The following PPP1R12A variants were observed in gnomAD, a reference collection of about 807,000 sequenced individuals.
The protein encoded by PPP1R12A is myosin binding subunit.
Under a neutral mutation model 139.6 loss-of-function variants are expected in PPP1R12A, and 19 were observed. That is an observed-to-expected ratio of 0.14 (90% confidence interval 0.09 to 0.20). The LOEUF (loss-of-function observed/expected upper bound fraction) is 0.20. PPP1R12A is among the 10% of genes least tolerant of loss of function. The pLI is 1.00. For missense variants in PPP1R12A, 925 were observed against 1,211.5 expected, an observed-to-expected ratio of 0.76 and a Z score of 3.51; for synonymous variants, 427 against 420.6, an observed-to-expected ratio of 1.02 and a Z score of -0.19.
At chr12:79,854,148 C>T (rs544030724) in intron 2 of PPP1R12A, among the ~76,000 whole-genome samples, 6 of 152,114 alleles carry the variant, frequency 3.9e-5, no homozygotes, top group East Asian at 1.9e-4. Flanking sequence ...CTATCAGTGA[C>T]GCAGAAGAAA....
intron 1 of PPP1R12A, among the ~76,000 whole-genome samples, chr12:79,914,383 C>T (rs1437020622): frequency 6.6e-6 from 1 of 151,854 alleles, no homozygotes; most frequent in Non-Finnish European, 1.5e-5. Context: ...ATATAATATA[C>T]TGATATTCAT....
chr12:79,903,769 T>C (rs1261480380), intron 1 of PPP1R12A, among the ~76,000 whole-genome samples: 1 of 151,984 alleles, frequency 6.6e-6, no homozygotes. Context: ...TTTGAGAAAA[T>C]AAAGGTAAAT....
intron 9 of PPP1R12A, among the ~76,000 whole-genome samples, chr12:79,814,677 G>T (rs1875085420): frequency 6.7e-6 from 1 of 150,082 alleles, no homozygotes; most frequent in Non-Finnish European, 1.5e-5. Flanking sequence ...TTAGCTGGGT[G>T]TGGTGGCAGG....
chr12:79,849,192 T>C (rs1203819191), intron 2 of PPP1R12A, among the ~76,000 whole-genome samples: 4 of 152,120 alleles, frequency 2.6e-5, no homozygotes, highest in African/African-American at 9.7e-5. Context: ...GAGACCAGCC[T>C]GGCCAACATA....
intron 22 of PPP1R12A, among the ~76,000 whole-genome samples, chr12:79,783,098 C>T (rs1332090349): frequency 1.3e-5 from 2 of 151,920 alleles, no homozygotes; most frequent in Admixed American, 1.3e-4. Flanking sequence ...AGCTTTTGTG[C>T]TTACTCTTTC....
At chr12:79,783,630 A>G (rs1870756981) in intron 22 of PPP1R12A, among the ~76,000 whole-genome samples, 1 of 152,206 alleles carries the variant, frequency 6.6e-6, no homozygotes, top group Admixed American at 6.5e-5. Flanking sequence ...TACAAGACCA[A>G]AAAAATTTTA....
upstream of PPP1R12A, chr12:79,935,239 T>A: frequency 1.6e-6 from 2 of 1,216,604 alleles, no homozygotes; most frequent in Non-Finnish European, 2.1e-6. Context: ...CCAGTGCGCA[T>A]GCGCCCTGGG....
At position 79,775,500 on chromosome 12, in the gene PPP1R12A, G is replaced by C. The variant is rs1869624479; in HGVS notation, c.*429C>G. On this transcript the variant is annotated 3_prime_UTR_variant, in exon 25 of 25. Coordinates refer to ENST00000450142, the MANE Select transcript of PPP1R12A (RefSeq NM_002480.3). The stretch of plus-strand genomic sequence containing the variant: ...AAATATCGAAAAACTCGAAACTGTG[G>C]CACATCAAAAAATGTTGAGTAACTG... The C allele has an allele frequency of 6.6e-6, 1 of 152,614 alleles. No homozygotes were observed. Among genetic ancestry groups the C allele is most frequent in the African/African-American group, 2.4e-5 (1 of 41,406 alleles). 9.5% of individuals were successfully genotyped at this position (152,614 alleles called of 1,614,324 possible).
intron 19 of PPP1R12A, among the ~76,000 whole-genome samples, chr12:79,792,571 T>C (rs1366120659): frequency 6.6e-6 from 1 of 152,228 alleles, no homozygotes; most frequent in East Asian, 1.9e-4. Context: ...AAAAAACTTT[T>C]CGTCTTAGAA....
intron 1 of PPP1R12A, among the ~76,000 whole-genome samples, chr12:79,907,786 T>C (rs981700848): frequency 6.6e-6 from 1 of 152,162 alleles, no homozygotes; most frequent in Admixed American, 6.5e-5. Context: ...TAGTCCCAGC[T>C]ACTCGGGAGG....
In PPP1R12A at chr12:79,872,789, A is replaced by G. The variant is rs770992358; in HGVS notation, c.368+19T>C. ...GTCAAACAGTATTAGAATAAAATGA[A>G]AACACAGAACTGGCTTACTCTGCAA... On this transcript the variant is annotated intron_variant, in intron 2 of 24. Coordinates refer to ENST00000450142, the MANE Select transcript of PPP1R12A (RefSeq NM_002480.3). 1 of 1,611,642 alleles carries G rather than the reference A, an allele frequency of 6.2e-7. No individual in the cohort carries two copies. Among genetic ancestry groups the G allele is most frequent in the Non-Finnish European group, 8.5e-7 (1 of 1,178,782 alleles).
In PPP1R12A at chr12:79,807,277, T is replaced by C; in HGVS notation, c.1604A>G (p.Asp535Gly). The C allele has an allele frequency of 6.4e-7, 1 of 1,556,554 alleles. No homozygotes were observed. The highest frequency in any genetic ancestry group is 1.4e-5 in the African/African-American group (1 of 73,892). The change falls in exon 12 of 25, where the codon GAT becomes GGT. Residue 535 changes from aspartate to glycine, a missense_variant. Coordinates refer to ENST00000450142, the MANE Select transcript of PPP1R12A (RefSeq NM_002480.3). Reference protein sequence around the residue: ...SSSYTRRKWEDDLKKNSSVNE... With the variant: ...SSSYTRRKWEGDLKKNSSVNE... ...AACTGAGCTATTTTTTTTAAGATCATCTTCCCATTTTCTCCTTGTATATGA... is the reference window on the plus strand; with the variant it reads ...AACTGAGCTATTTTTTTTAAGATCACCTTCCCATTTTCTCCTTGTATATGA...
intron 9 of PPP1R12A, among the ~76,000 whole-genome samples, chr12:79,810,284 C>T (rs921514601): frequency 1.3e-5 from 2 of 152,080 alleles, no homozygotes. Context: ...ATACAGAAAA[C>T]AGAAATGAGC....
intron 2 of PPP1R12A, among the ~76,000 whole-genome samples, chr12:79,849,692 G>A (rs1879824264): frequency 6.6e-6 from 1 of 152,118 alleles, no homozygotes; most frequent in South Asian, 2.1e-4. Flanking sequence ...CTTTTCAAAT[G>A]AACAACCGTA....
At chr12:79,812,126 T>C (rs1347714736) in intron 9 of PPP1R12A, among the ~76,000 whole-genome samples, 2 of 152,208 alleles carry the variant, frequency 1.3e-5, no homozygotes, top group African/African-American at 4.8e-5. Flanking sequence ...GTACTATCTA[T>C]CAATTTTGAA....
At chr12:79,900,257 A>T (rs1017361069) in intron 1 of PPP1R12A, among the ~76,000 whole-genome samples, 5 of 152,208 alleles carry the variant, frequency 3.3e-5, no homozygotes, top group African/African-American at 1.2e-4. Context: ...CCTCTACTAA[A>T]ATACAAAACA....
At chr12:79,891,736 T>G (rs1342701210) in intron 1 of PPP1R12A, among the ~76,000 whole-genome samples, 3 of 152,220 alleles carry the variant, frequency 2.0e-5, no homozygotes, top group African/African-American at 7.2e-5. Context: ...CATCTTGGCA[T>G]GCACCCTCCT....
At chr12:79,886,367 G>A (rs1565797677) in intron 1 of PPP1R12A, among the ~76,000 whole-genome samples, 1 of 152,128 alleles carries the variant, frequency 6.6e-6, no homozygotes, top group Non-Finnish European at 1.5e-5. Flanking sequence ...AAAACAAAGA[G>A]TCCAGCATTG....
intron 1 of PPP1R12A, among the ~76,000 whole-genome samples, chr12:79,918,533 C>T (rs1461855826): frequency 2.9e-4 from 44 of 152,136 alleles, no homozygotes; most frequent in Admixed American, 2.9e-3. Flanking sequence ...TCTAGTTGTC[C>T]AAGCCAGAAA....
Sources: allele counts gnomAD v4.1 joint callset (sites outside exome capture counted in the v4.1 genomes callset), GRCh38; gene constraint gnomAD v4.1.1; transcripts MANE v1.5; gene names NCBI Gene and HGNC (gene_info 2026-07-23, HGNC 2026-07-21).